The following SPG11 variants were observed in gnomAD, a reference collection of about 807,000 sequenced individuals.
The protein encoded by SPG11 is spatacsin.
A neutral mutation model predicts 274.0 loss-of-function variants in SPG11; 222 were observed. That is an observed-to-expected ratio of 0.81 (90% CI 0.73 to 0.91). The LOEUF is 0.91. Among genes scored for constraint, SPG11 ranks in the 40% least tolerant of loss-of-function variants. The pLI is 0.00. For missense variants in SPG11, 3,114 were observed against 2,872.7 expected (o/e 1.08, Z -1.92); for synonymous variants, 1,144 against 1,039.7 (o/e 1.10, Z -1.93).
chr15:44,566,516 C>T (rs1019366999), intron 36 of SPG11, among the ~76,000 whole-genome samples: 2 of 152,168 alleles, frequency 1.3e-5, no homozygotes, highest in African/African-American at 4.8e-5. Context: ...CCTTCTAATG[C>T]CTCATTTCTC....
rs759969829 is a variant in SPG11 at position 44,615,516 on chromosome 15, A to C, written c.2885T>G (p.Leu962Arg). Reference protein sequence around the residue: ...SELEDFECFLLRLSRIGGVIQ... With the variant: ...SELEDFECFLRRLSRIGGVIQ... ...TACACCTCCAATACGGCTCAGTCTT[A>C]GGAGGAAGCATTCAAAGTCTTCCAG... Residue 962 changes from leucine (L) to arginine (R), a missense_variant, in exon 16 of 40, where the codon CTA becomes CGA. Leu to Arg is a moderately radical substitution (Grantham distance 102). Transcript: ENST00000261866. 6 of 1,614,036 alleles carry C rather than the reference A, an allele frequency of 3.7e-6. No homozygotes were observed. In the Admixed American group the frequency reaches 5.0e-5, roughly 13 times the overall value.
At chr15:44,621,530 C>T (rs2083750677) in intron 14 of SPG11, 3 of 488,328 alleles carry the variant, frequency 6.1e-6, no homozygotes, top group Non-Finnish European at 1.1e-5. Context: ...GAAAACTCAG[C>T]CTTGAAATCT....
At chr15:44,614,908 GCT>G (rs749301425) in intron 16 of SPG11, among the ~76,000 whole-genome samples, 67 of 152,266 alleles carry the variant, frequency 4.4e-4, no homozygotes, top group Non-Finnish European at 7.5e-4. Flanking sequence ...CTAATGTATT[GCT>G]CTCTCTTTCT....
intron 15 of SPG11, among the ~76,000 whole-genome samples, chr15:44,619,285 TAACA>T (rs1416980574): frequency 6.6e-6 from 1 of 152,206 alleles, no homozygotes; most frequent in African/African-American, 2.4e-5. Context: ...TTAAGAAACT[TAACA>T]TACATGTTAT....
At chr15:44,658,974 A>G in intron 3 of SPG11, 105 bp downstream of exon 3, 1 of 1,027,472 alleles carries the variant, frequency 9.7e-7, no homozygotes, top group South Asian at 1.4e-5. Flanking sequence ...AAAACTAACC[A>G]CACTTCCTAT....
chr15:44,658,010 G>C (rs1274238375), intron 3 of SPG11, among the ~76,000 whole-genome samples: 1 of 152,230 alleles, frequency 6.6e-6, no homozygotes, highest in Non-Finnish European at 1.5e-5. Flanking sequence ...CTGGGTGAGA[G>C]TGAGACCCTG....
At chr15:44,600,443 C>A (rs773617182) in intron 21 of SPG11, 24 bp downstream of exon 21, 2 of 1,613,544 alleles carry the variant, frequency 1.2e-6, no homozygotes, top group Middle Eastern at 3.3e-4. Flanking sequence ...TGTACCCAGA[C>A]AAAATTATAT....
chr15:44,613,510 A>G lies in SPG11; in HGVS notation c.3065T>C (p.Leu1022Ser). 6.2e-7 allele frequency: 1 copy of G among 1,613,348 alleles called. No individual in the cohort carries two copies. Among genetic ancestry groups the G allele is most frequent in the Non-Finnish European group, 8.5e-7 (1 of 1,179,382 alleles). The change falls in exon 17 of 40, where the codon TTG becomes TCG. Residue 1022 changes from leucine to serine, a missense_variant. Transcript: ENST00000261866. Reference sequence around the variant, plus strand: ...TGCTTCATGTAACTCTTTTTTTTCCAAAAAGGGACAATTTTCAGGACTAAG... The same window carrying G: ...TGCTTCATGTAACTCTTTTTTTTCCGAAAAGGGACAATTTTCAGGACTAAG... ...YKLSPENCPF[L>S]EKKELHEAHP...
chr15:44,567,018 C>A (rs2082323726), intron 36 of SPG11, among the ~76,000 whole-genome samples: 1 of 151,408 alleles, frequency 6.6e-6, no homozygotes. Flanking sequence ...CCTCAAGATT[C>A]TAATAGCCCA....
intron 33 of SPG11, 26 bp from the exon 34 acceptor site, chr15:44,570,684 A>G: frequency 1.9e-6 from 3 of 1,611,340 alleles, no homozygotes; most frequent in Non-Finnish European, 2.5e-6. Context: ...CTGGTAAGAT[A>G]AGATTATGAA....
chr15:44,626,417 C>T lies in SPG11; in HGVS notation c.2158G>A (p.Glu720Lys), dbSNP rs752347098. The change falls in exon 11 of 40, where the codon GAG (glutamate) becomes AAG (lysine). Residue 720 changes from glutamate (E) to lysine (K), a missense_variant. By Grantham distance (56) the Glu-to-Lys change is moderately conservative. Transcript: ENST00000261866. ...IDSHSAQKLE[E>K]LIGIGLNLVF... ...AAATTTAGGCCTATGCCAATAAGCT[C>T]CTCAAGTTTTTGAGCAGAATGACTA... 3.1e-6 allele frequency: 5 copies of T among 1,613,730 alleles called. No individual in the cohort carries two copies. In the Admixed American group the frequency reaches 8.3e-5, roughly 27 times the overall value.
In SPG11 at chr15:44,578,017, TCC is replaced by T. The variant is rs150353598; in HGVS notation, c.5867-2978_5867-2977del. The stretch of plus-strand genomic sequence containing the variant: ...GGCTCTCAGAAAGGGGAGCCTTCTT[TCC>T]TTTTTTTTTTTTTTTTTTTTTTTGA... On this transcript the variant is annotated intron_variant, in intron 30 of 39. Transcript: ENST00000261866. 6.0e-3 allele frequency among the ~76,000 whole-genome samples: 871 copies of T among 145,644 alleles called. 25 individuals are homozygous for T. Among genetic ancestry groups the T allele is most frequent in the African/African-American group, 0.021 (802 of 38,512 alleles).
intron 10 of SPG11, among the ~76,000 whole-genome samples, chr15:44,627,387 C>T (rs774984570): frequency 7.2e-5 from 11 of 152,146 alleles, no homozygotes; most frequent in Non-Finnish European, 1.5e-4. Context: ...TACACATTCA[C>T]ATGCCTGTTT....
At chr15:44,596,660 CAAAAAAAAAAAAAAA>C (rs5812279) in intron 24 of SPG11, 109 bp downstream of exon 24, 29 of 271,420 alleles carry the variant, frequency 1.1e-4, no homozygotes, top group African/African-American at 8.2e-4. Flanking sequence ...GTATCCTGGT[CAAAAAAAAAAAAAAA>C]AAAAAAAAAA....
At chr15:44,617,848 G>A (rs751543160) in intron 15 of SPG11, among the ~76,000 whole-genome samples, 11 of 151,780 alleles carry the variant, frequency 7.2e-5, no homozygotes, top group Non-Finnish European at 1.0e-4. Context: ...GCTAATTTTT[G>A]TATTTTTAGT....
chr15:44,657,226 A>T lies in SPG11; in HGVS notation c.738T>A (p.Cys246Ter). Residue 246 changes from cysteine (C) to a stop codon, truncating the protein, a stop_gained, in exon 4 of 40, where the codon TGT becomes TGA. Coordinates refer to ENST00000261866, the MANE Select transcript of SPG11 (RefSeq NM_025137.4). LOFTEE classifies it high-confidence loss of function. ...TGGCTGGCTCCTGTTGCTGCTCATT[A>T]CACATGTCTTCTTTGTGAAGTGCTA... is the stretch of plus-strand genomic sequence containing the variant. ...VDLALHKEDM[C>*]NEQQQEPAKI... 6.2e-7 allele frequency: 1 copy of T among 1,614,224 alleles called. No homozygotes were observed. Among genetic ancestry groups the T allele is most frequent in the Non-Finnish European group, 8.5e-7 (1 of 1,180,040 alleles).
intron 28 of SPG11, 133 bp from the exon 29 acceptor site, chr15:44,585,983 GTTTTTTTTTT>G (rs71111868): frequency 5.9e-6 from 2 of 337,768 alleles, no homozygotes; most frequent in Admixed American, 4.6e-5. Flanking sequence ...ATAAAAAGCT[GTTTTTTTTTT>G]TTTTTTTTTT....
intron 7 of SPG11, among the ~76,000 whole-genome samples, chr15:44,643,906 G>GT (rs199670683): frequency 0.014 from 2,144 of 152,196 alleles, 47 homozygotes; most frequent in South Asian, 0.037. Flanking sequence ...GCTCACGCCT[G>GT]TAATCCCAGC....
In SPG11 at chr15:44,612,721, G is replaced by A. The variant is rs2083492920; in HGVS notation, c.3145+709C>T. Among the ~76,000 whole-genome samples the A allele has an allele frequency of 2.0e-5, 3 of 152,012 alleles. No homozygotes were observed. In the South Asian group the frequency reaches 6.2e-4, roughly 32 times the overall value. On this transcript the variant is annotated intron_variant, in intron 17 of 39. Transcript: ENST00000261866. Reference sequence around the variant, plus strand: ...AGTATTACCTTCTTGATAGTTGTCTGTGGCTTCTAATTTTTTTTTTTAACA... The same window carrying A: ...AGTATTACCTTCTTGATAGTTGTCTATGGCTTCTAATTTTTTTTTTTAACA...
Sources: allele counts gnomAD v4.1 joint callset (sites outside exome capture counted in the v4.1 genomes callset), GRCh38; gene constraint gnomAD v4.1.1; transcripts MANE v1.5; gene names NCBI Gene and HGNC (gene_info 2026-07-23, HGNC 2026-07-21).